The following CDH18 variants were observed in gnomAD, a reference collection of about 807,000 sequenced individuals.
CDH18 encodes cadherin 18, also known as cadherin-18.
In CDH18, 31 loss-of-function variants were observed where a neutral mutation model predicts 67.9. The observed-to-expected ratio is 0.46, with a 90% CI of 0.34 to 0.62. The LOEUF is 0.62. CDH18 is among the 20% of genes least tolerant of loss of function. The probability of loss-of-function intolerance (pLI) is 0.01; values close to 1 mark genes in which losing one functional copy is unlikely to be tolerated. For synonymous variants in CDH18, 362 were observed against 347.2 expected (o/e 1.04, Z -0.48); for missense variants, 890 against 975.5 (o/e 0.91, Z 1.17).
chr5:20,074,661 T>C (rs978935570), intron 2 of CDH18, among the ~76,000 whole-genome samples: 3 of 152,050 alleles, frequency 2.0e-5, no homozygotes, highest in Non-Finnish European at 4.4e-5. Flanking sequence ...GAAGTAGAAA[T>C]ATGAATGACC....
intron 1 of CDH18, among the ~76,000 whole-genome samples, chr5:20,411,893 C>G (rs1029303823): frequency 2.6e-5 from 4 of 151,868 alleles, no homozygotes; most frequent in Non-Finnish European, 5.9e-5. Flanking sequence ...AAGACATAAA[C>G]AAATGGAAAA....
At chr5:20,280,172 C>CTTTA (rs200375619) in intron 1 of CDH18, among the ~76,000 whole-genome samples, 2 of 151,372 alleles carry the variant, frequency 1.3e-5, no homozygotes, top group South Asian at 4.2e-4. Context: ...AAGAAAAAAA[C>CTTTA]TTTATTTATT....
chr5:20,476,035 C>G (rs1198930310), intron 1 of CDH18, among the ~76,000 whole-genome samples: 1 of 152,168 alleles, frequency 6.6e-6, no homozygotes, highest in African/African-American at 2.4e-5. Flanking sequence ...CTCAACTACT[C>G]TCTGTCTCTG....
At chr5:20,082,867 G>A (rs1744601351) in intron 2 of CDH18, among the ~76,000 whole-genome samples, 1 of 152,140 alleles carries the variant, frequency 6.6e-6, no homozygotes, top group Non-Finnish European at 1.5e-5. Context: ...AAGAGGCATG[G>A]AACAGATTCC....
At chr5:19,958,062 G>A (rs540395378) in intron 2 of CDH18, among the ~76,000 whole-genome samples, 5 of 151,806 alleles carry the variant, frequency 3.3e-5, no homozygotes, top group Admixed American at 6.6e-5. Context: ...CTTTGTGTTT[G>A]GGGATGAACT....
At chr5:20,297,640 G>C (rs975811423) in intron 1 of CDH18, among the ~76,000 whole-genome samples, 1 of 152,060 alleles carries the variant, frequency 6.6e-6, no homozygotes, top group Non-Finnish European at 1.5e-5. Context: ...ACAATTTGTC[G>C]ACAGTACTTT....
chr5:19,979,432 G>A (rs1012239186), intron 2 of CDH18, among the ~76,000 whole-genome samples: 1 of 151,942 alleles, frequency 6.6e-6, no homozygotes, highest in Non-Finnish European at 1.5e-5. Context: ...GATTTACCTT[G>A]CACTTAAAAG....
At chr5:20,105,327 T>C (rs147754753) in intron 2 of CDH18, among the ~76,000 whole-genome samples, 497 of 152,262 alleles carry the variant, frequency 3.3e-3, no homozygotes, top group Non-Finnish European at 5.5e-3. Flanking sequence ...ATGGGAGTTA[T>C]GTACATAGAA....
intron 1 of CDH18, among the ~76,000 whole-genome samples, chr5:20,393,847 A>G (rs1441126983): frequency 4.6e-5 from 7 of 152,006 alleles, no homozygotes; most frequent in Non-Finnish European, 8.8e-5. Context: ...ACCTCTAACC[A>G]AGGAGGTAAA....
intron 5 of CDH18, among the ~76,000 whole-genome samples, chr5:19,661,842 AT>A (rs1757225933): frequency 6.6e-6 from 1 of 152,094 alleles, no homozygotes; most frequent in Admixed American, 6.6e-5. Flanking sequence ...CTATCCTTAA[AT>A]TTGGGGAATC....
intron 1 of CDH18, among the ~76,000 whole-genome samples, chr5:20,275,200 G>A (rs1329915509): frequency 1.3e-5 from 2 of 152,062 alleles, no homozygotes; most frequent in East Asian, 3.9e-4. Context: ...TGGCAAATTG[G>A]AGGAGGTGCC....
chr5:20,503,686 A>G (rs1044728241), intron 1 of CDH18, among the ~76,000 whole-genome samples: 2 of 152,222 alleles, frequency 1.3e-5, no homozygotes, highest in Non-Finnish European at 2.9e-5. Context: ...ATTACCTTTC[A>G]TATGGAAAAG....
chr5:20,474,265 C>T (rs1043288179), intron 1 of CDH18, among the ~76,000 whole-genome samples: 1 of 152,078 alleles, frequency 6.6e-6, no homozygotes, highest in Non-Finnish European at 1.5e-5. Flanking sequence ...GGCGACAGAG[C>T]AAGACTCCTT....
At chr5:19,690,322 T>A (rs1278824890) in intron 5 of CDH18, among the ~76,000 whole-genome samples, 1 of 151,558 alleles carries the variant, frequency 6.6e-6, no homozygotes, top group African/African-American at 2.4e-5. Flanking sequence ...AGAGGAAAGT[T>A]TATATCAATA....
At chr5:19,516,217 T>C (rs1376391586) in intron 10 of CDH18, among the ~76,000 whole-genome samples, 1 of 152,188 alleles carries the variant, frequency 6.6e-6, no homozygotes, top group Non-Finnish European at 1.5e-5. Flanking sequence ...TCTTGGTGGA[T>C]AAGCTTTTTG....
chr5:19,829,961 T>C (rs965993263), intron 3 of CDH18, among the ~76,000 whole-genome samples: 2 of 152,150 alleles, frequency 1.3e-5, no homozygotes, highest in African/African-American at 4.8e-5. Context: ...ATTCAATAAA[T>C]AATGCTAGGA....
intron 2 of CDH18, among the ~76,000 whole-genome samples, chr5:20,039,191 G>A (rs1025887795): frequency 6.6e-6 from 1 of 152,004 alleles, no homozygotes; most frequent in African/African-American, 2.4e-5. Flanking sequence ...AAGGAAATAG[G>A]AGAGTACACA....
chr5:20,440,504 G>T, intron 1 of CDH18, among the ~76,000 whole-genome samples: 1 of 151,818 alleles, frequency 6.6e-6, no homozygotes, highest in East Asian at 1.9e-4. Context: ...AAAAAAGAAG[G>T]TAATAAAAGT....
intron 3 of CDH18, among the ~76,000 whole-genome samples, chr5:19,811,135 AAAGAAAGAAAGAAAGAAAGAAAGAAG>A (rs1778651252): frequency 7.9e-6 from 1 of 126,250 alleles, no homozygotes; most frequent in Non-Finnish European, 1.7e-5. Context: ...AGAAAGAAAG[AAAGAAAGAAAGAAAGAAAGAAAGAAG>A]GAGAGAAAGA....
Sources: gnomAD v4.1 joint callset for allele counts (sites outside exome capture counted in the v4.1 genomes callset) on GRCh38, gnomAD v4.1.1 for gene constraint, MANE v1.5 for transcripts, NCBI Gene and HGNC (gene_info 2026-07-23, HGNC 2026-07-21) for gene names.